The following USP43 variants were observed in gnomAD, a reference collection of about 807,000 sequenced individuals.
USP43 encodes ubiquitin specific peptidase 43.
Under a neutral mutation model 90.7 loss-of-function variants are expected in USP43, and 33 were observed. The observed-to-expected ratio is 0.36, with a 90% CI of 0.28 to 0.49. The LOEUF is 0.49. USP43 is among the 20% of genes least tolerant of loss of function. The probability of loss-of-function intolerance (pLI) is 0.98; values close to 1 mark genes in which losing one functional copy is unlikely to be tolerated. For synonymous variants in USP43, 598 were observed against 615.8 expected, an observed-to-expected ratio of 0.97 and a Z score of 0.43; for missense variants, 1,274 against 1,476.4, an observed-to-expected ratio of 0.86 and a Z score of 2.25.
intron 1 of USP43, 56 bp from the exon 2 acceptor site, chr17:9,656,347 T>C: frequency 6.3e-7 from 1 of 1,580,562 alleles, no homozygotes; most frequent in Middle Eastern, 1.8e-4. Flanking sequence ...CACAGAGCCT[T>C]CATTTGGTTG....
chr17:9,655,340 C>T (rs1485631808), intron 1 of USP43, among the ~76,000 whole-genome samples: 1 of 152,222 alleles, frequency 6.6e-6, no homozygotes, highest in Non-Finnish European at 1.5e-5. Flanking sequence ...CCCACATGCT[C>T]ACACATGTAT....
chr17:9,664,061 G>A (rs1912835488), intron 2 of USP43, among the ~76,000 whole-genome samples: 1 of 152,140 alleles, frequency 6.6e-6, no homozygotes, highest in African/African-American at 2.4e-5. Flanking sequence ...TGCACTTCCT[G>A]TATTCTAGGG....
chr17:9,686,926 C>CGTGTGT lies in USP43; in HGVS notation c.1353+27_1353+32dup, dbSNP rs148093920. Reference sequence around the variant, plus strand: ...CCTGTACAGGTCAGTGGTGTGCATGCGTGTGTGTGTGTGTGCGTGCATGCG... The same window carrying CGTGTGT: ...CCTGTACAGGTCAGTGGTGTGCATGCGTGTGTGTGTGTGTGTGTGTGCGTGCATGCG... On this transcript the variant is annotated intron_variant, in intron 8 of 14. Transcript: ENST00000285199. This position sits in a 1 kb window ranked among gnomAD's most constrained non-coding sequence, Gnocchi z 5.5. 7 of 1,568,358 alleles carry CGTGTGT rather than the reference C, an allele frequency of 4.5e-6. No homozygotes were observed. Among genetic ancestry groups the CGTGTGT allele is most frequent in the Non-Finnish European group, 6.1e-6 (7 of 1,149,478 alleles).
In USP43 at chr17:9,701,185, G is replaced by A. The variant is rs764359781; in HGVS notation, c.1602G>A (p.Ala534=). The A allele has an allele frequency of 1.0e-5, 16 of 1,561,700 alleles. No individual in the cohort carries two copies. In the South Asian group the frequency reaches 1.3e-4, roughly 13 times the overall value. ...ACAGTGTGTGGCAGCAGCAGCAGGC[G>A]CATCAGCAGCACAGCTGTACCTTGG... ...DADSVWQQQQ[A]HQQHSCTLDE... Residue 534 remains alanine, a synonymous_variant, in exon 11 of 15, where the codon GCG becomes GCA. Transcript: ENST00000285199. The surrounding 1 kb of genome is among the most constrained non-coding windows in gnomAD (Gnocchi z 7.2).
intron 1 of USP43, among the ~76,000 whole-genome samples, chr17:9,650,594 G>A (rs1911786222): frequency 6.6e-6 from 1 of 152,106 alleles, no homozygotes; most frequent in Non-Finnish European, 1.5e-5. Flanking sequence ...GTAGACACGG[G>A]GTTTCGCCAT....
intron 6 of USP43, among the ~76,000 whole-genome samples, chr17:9,681,131 C>T (rs796521301): frequency 9.4e-5 from 6 of 63,970 alleles, no homozygotes; most frequent in African/African-American, 5.9e-4. Flanking sequence ...ATAATATATA[C>T]TATATAATAT....
At chr17:9,711,492 G>C (rs191691494) in intron 13 of USP43, among the ~76,000 whole-genome samples, 1 of 152,090 alleles carries the variant, frequency 6.6e-6, no homozygotes, top group Non-Finnish European at 1.5e-5. Context: ...ACAGTAGCGC[G>C]ATTTCGGCTC....
At chr17:9,718,739 C>T (rs1262984334) in intron 14 of USP43, among the ~76,000 whole-genome samples, 1 of 151,918 alleles carries the variant, frequency 6.6e-6, no homozygotes, top group Non-Finnish European at 1.5e-5. Context: ...ACTCAGGAGG[C>T]TGAGGCAGGA....
chr17:9,713,376 A>C (rs890647379), intron 14 of USP43, among the ~76,000 whole-genome samples: 10 of 152,180 alleles, frequency 6.6e-5, no homozygotes, highest in Admixed American at 6.5e-4. Flanking sequence ...GGGATGAGCC[A>C]CCGCACCTGG....
intron 3 of USP43, among the ~76,000 whole-genome samples, chr17:9,668,548 C>T (rs946600560): frequency 1.3e-5 from 2 of 152,326 alleles, no homozygotes; most frequent in East Asian, 3.9e-4. Flanking sequence ...ATCTATAGCA[C>T]TTGACAAGTT....
chr17:9,708,461 G>A (rs891917692), intron 12 of USP43, among the ~76,000 whole-genome samples: 4 of 152,160 alleles, frequency 2.6e-5, no homozygotes, highest in Middle Eastern at 3.2e-3. Context: ...CAAGATATTC[G>A]AGACATAGTT....
chr17:9,692,072 T>C (rs182449374), intron 8 of USP43, among the ~76,000 whole-genome samples: 63 of 142,800 alleles, frequency 4.4e-4, no homozygotes, highest in African/African-American at 1.5e-3. Flanking sequence ...ACAAATTTAA[T>C]TGTAGGCTGG....
At chr17:9,646,325 A>G (rs1012731129) in intron 1 of USP43, among the ~76,000 whole-genome samples, 189 bp downstream of exon 1, 7 of 152,290 alleles carry the variant, frequency 4.6e-5, no homozygotes, top group African/African-American at 1.7e-4. Flanking sequence ...TTTGTAAATT[A>G]ATTCTCCTAG....
intron 14 of USP43, among the ~76,000 whole-genome samples, chr17:9,724,747 A>G (rs1434283503): frequency 6.6e-6 from 1 of 152,218 alleles, no homozygotes; most frequent in African/African-American, 2.4e-5. Flanking sequence ...CAAACCTCAT[A>G]AAGACAGGTG....
intron 1 of USP43, among the ~76,000 whole-genome samples, chr17:9,652,165 G>A (rs1364505127): frequency 2.0e-5 from 3 of 146,630 alleles, no homozygotes; most frequent in African/African-American, 5.1e-5. Flanking sequence ...TGGGAGGACC[G>A]CTTGAGGCCA....
intron 2 of USP43, among the ~76,000 whole-genome samples, chr17:9,664,636 A>AT (rs371778793): frequency 0.15 from 19,960 of 134,210 alleles, 1,677 homozygotes; most frequent in East Asian, 0.31. Flanking sequence ...CCTTGCATAG[A>AT]TTTTTTTTTT....
At chr17:9,675,091 A>G (rs980090983) in intron 4 of USP43, 108 bp downstream of exon 4, 2 of 963,598 alleles carry the variant, frequency 2.1e-6, no homozygotes, top group Non-Finnish European at 3.3e-6. Flanking sequence ...CTTCTCAGCC[A>G]GCATTTCTCT....
At chr17:9,661,318 T>C (rs145951406) in intron 2 of USP43, among the ~76,000 whole-genome samples, 1 of 152,284 alleles carries the variant, frequency 6.6e-6, no homozygotes, top group Non-Finnish European at 1.5e-5. Flanking sequence ...GCAGGGAAGA[T>C]ACACAATACA....
chr17:9,701,795 G>A lies in USP43; in HGVS notation c.2011+95G>A, dbSNP rs1915591267. The A allele has an allele frequency of 5.3e-6, 6 of 1,140,134 alleles. No individual in the cohort carries two copies. The highest frequency in any genetic ancestry group is 5.7e-5 in the Admixed American group (2 of 34,870). 70.6% of individuals were successfully genotyped at this position (1,140,134 alleles called of 1,614,324 possible). A position where few individuals can be genotyped will look rare whatever the true frequency, so the allele number is the denominator to read the frequency against. On this transcript the variant is annotated intron_variant, in intron 12 of 14. Transcript: ENST00000285199. This position sits in a 1 kb window ranked among gnomAD's most constrained non-coding sequence, Gnocchi z 7.2. The stretch of plus-strand genomic sequence containing the variant: ...TTGCTCAGATGCTGAGCTCCCTGGG[G>A]CACTTATTGAGATCCGACCCCTCAC...
Sources: allele counts gnomAD v4.1 joint callset (sites outside exome capture counted in the v4.1 genomes callset), GRCh38; gene constraint gnomAD v4.1.1; non-coding constraint Gnocchi (gnomAD v3.1); transcripts MANE v1.5; gene names NCBI Gene and HGNC (gene_info 2026-07-23, HGNC 2026-07-21).